Variants in ROR2 observed in about 807,000 individuals in gnomAD.
ROR2 encodes ROR family WNT receptor 2.
ROR2 carries 33 observed loss-of-function variants against 74.9 expected under a neutral mutation model. That is an observed-to-expected ratio of 0.44 (90% CI 0.33 to 0.59). ROR2 has a LOEUF of 0.59. Ranked by LOEUF, ROR2 falls within the 20% of genes least tolerant of loss-of-function variation. The probability of loss-of-function intolerance (pLI) is 0.02; values close to 1 mark genes in which losing one functional copy is unlikely to be tolerated. For missense variants in ROR2, 1,216 were observed against 1,313.8 expected (o/e 0.93, Z 1.15); for synonymous variants, 586 against 558.7 (o/e 1.05, Z -0.69).
intron 1 of ROR2, among the ~76,000 whole-genome samples, chr9:91,800,161 G>A (rs150384436): frequency 0.017 from 2,642 of 152,218 alleles, 63 homozygotes; most frequent in East Asian, 0.13. Flanking sequence ...GGCCAACATG[G>A]TGAAACCCTG....
chr9:91,874,336 G>A (rs994551680), intron 1 of ROR2, among the ~76,000 whole-genome samples: 1 of 152,192 alleles, frequency 6.6e-6, no homozygotes, highest in South Asian at 2.1e-4. Flanking sequence ...CGTGTCCCAG[G>A]ACTCAACCAC....
chr9:91,930,234 G>A (rs1010000744), intron 1 of ROR2, among the ~76,000 whole-genome samples: 9 of 152,212 alleles, frequency 5.9e-5, no homozygotes, highest in Admixed American at 5.9e-4. Context: ...AAACGTTCTT[G>A]CTCTTTCCTG....
intron 1 of ROR2, among the ~76,000 whole-genome samples, chr9:91,791,815 A>G (rs1027649567): frequency 6.6e-6 from 1 of 152,158 alleles, no homozygotes; most frequent in African/African-American, 2.4e-5. Context: ...CCAAGATACT[A>G]GGCCTTTAAT....
chr9:91,891,441 G>A (rs1002628669), intron 1 of ROR2, among the ~76,000 whole-genome samples: 8 of 151,984 alleles, frequency 5.3e-5, no homozygotes, highest in African/African-American at 1.7e-4. Flanking sequence ...GCTAATTTTT[G>A]TATTTTTAGT....
intron 1 of ROR2, among the ~76,000 whole-genome samples, chr9:91,877,660 G>A (rs1829994781): frequency 6.6e-6 from 1 of 152,192 alleles, no homozygotes; most frequent in Non-Finnish European, 1.5e-5. Flanking sequence ...CATCACCAAT[G>A]ACTTTATCAA....
intron 4 of ROR2, 29 bp downstream of exon 4, chr9:91,756,042 A>AAC (rs1270397974): frequency 1.9e-6 from 3 of 1,611,666 alleles, no homozygotes; most frequent in Middle Eastern, 3.3e-4. Context: ...AGAGCAGCAG[A>AAC]ACACGGCTTG....
intron 1 of ROR2, among the ~76,000 whole-genome samples, chr9:91,889,053 G>T (rs879915357): frequency 6.6e-6 from 1 of 152,064 alleles, no homozygotes; most frequent in Non-Finnish European, 1.5e-5. Flanking sequence ...AAGAGAGACC[G>T]TGTAATAAAA....
chr9:91,825,306 G>C (rs1007249622), intron 1 of ROR2, among the ~76,000 whole-genome samples: 1 of 152,212 alleles, frequency 6.6e-6, no homozygotes, highest in Non-Finnish European at 1.5e-5. Flanking sequence ...CTCCCTGGAA[G>C]TGCGGGGCAT....
intron 4 of ROR2, among the ~76,000 whole-genome samples, chr9:91,747,347 A>G (rs72744472): frequency 0.079 from 12,026 of 152,302 alleles, 621 homozygotes; most frequent in African/African-American, 0.14. Flanking sequence ...CACAAGCTTT[A>G]GTCCCACACA....
At chr9:91,774,923 T>C (rs1275801392) in intron 2 of ROR2, among the ~76,000 whole-genome samples, 3 of 152,228 alleles carry the variant, frequency 2.0e-5, no homozygotes, top group East Asian at 1.9e-4. Flanking sequence ...TATAGGACTA[T>C]TGGGTCGGTT....
At chr9:91,810,581 G>A (rs961718191) in intron 1 of ROR2, among the ~76,000 whole-genome samples, 1 of 152,164 alleles carries the variant, frequency 6.6e-6, no homozygotes, top group African/African-American at 2.4e-5. Flanking sequence ...GTTCTTTACC[G>A]TTAGCGGCAG....
intron 1 of ROR2, among the ~76,000 whole-genome samples, chr9:91,879,277 C>A (rs931147569): frequency 1.3e-5 from 2 of 152,080 alleles, no homozygotes; most frequent in Non-Finnish European, 2.9e-5. Context: ...CTTGGTAGGG[C>A]CTTGGAGGTT....
chr9:91,839,103 A>G (rs1828700023), intron 1 of ROR2, among the ~76,000 whole-genome samples: 1 of 152,184 alleles, frequency 6.6e-6, no homozygotes, highest in Non-Finnish European at 1.5e-5. Flanking sequence ...TAGCAACACA[A>G]GCGTGGGATG....
intron 1 of ROR2, among the ~76,000 whole-genome samples, chr9:91,947,460 C>G (rs1009047724): frequency 6.6e-6 from 1 of 152,198 alleles, no homozygotes; most frequent in East Asian, 1.9e-4. Flanking sequence ...TTACTATATA[C>G]ATAAAAACTT....
At chr9:91,894,279 C>G (rs1255875988) in intron 1 of ROR2, among the ~76,000 whole-genome samples, 1 of 152,210 alleles carries the variant, frequency 6.6e-6, no homozygotes, top group Non-Finnish European at 1.5e-5. Context: ...GTCCCTTGTT[C>G]CCCACCTTCG....
chr9:91,728,874 G>A (rs1837137417), intron 7 of ROR2, among the ~76,000 whole-genome samples: 1 of 152,150 alleles, frequency 6.6e-6, no homozygotes, highest in Non-Finnish European at 1.5e-5. Context: ...CCACTCCACA[G>A]CACAGGCGTC....
chr9:91,824,740 G>A (rs1421444533), intron 1 of ROR2, among the ~76,000 whole-genome samples: 1 of 152,164 alleles, frequency 6.6e-6, no homozygotes, highest in Admixed American at 6.5e-5. Context: ...CAGGGCATCG[G>A]GGTGGGACAC....
chr9:91,881,689 G>A (rs964476564), intron 1 of ROR2, among the ~76,000 whole-genome samples: 17 of 152,252 alleles, frequency 1.1e-4, no homozygotes, highest in Non-Finnish European at 2.5e-4. Flanking sequence ...AAAAATTAGG[G>A]AGGACGAGCA....
intron 5 of ROR2, among the ~76,000 whole-genome samples, chr9:91,735,776 C>G (rs1319665744): frequency 1.3e-5 from 2 of 151,780 alleles, no homozygotes; most frequent in Non-Finnish European, 2.9e-5. Flanking sequence ...GCCACCATGC[C>G]CAGCTAATTT....
Sources: gnomAD v4.1 joint callset for allele counts (sites outside exome capture counted in the v4.1 genomes callset) on GRCh38, gnomAD v4.1.1 for gene constraint, MANE v1.5 for transcripts, NCBI Gene and HGNC (gene_info 2026-07-23, HGNC 2026-07-21) for gene names.